Variants in FGF12 observed in about 807,000 individuals in gnomAD.
The protein encoded by FGF12 is fibroblast growth factor 12, also known as fibroblast growth factor 12B.
In FGF12, 14 loss-of-function variants were observed where a neutral mutation model predicts 23.6. The observed-to-expected ratio is 0.59, with a 90% CI of 0.39 to 0.93. The LOEUF (loss-of-function observed/expected upper bound fraction) is 0.93. Ranked by LOEUF, FGF12 falls within the 40% of genes least tolerant of loss-of-function variation. FGF12 has a pLI of 0.00. For synonymous variants in FGF12, 62 were observed against 77.3 expected, an observed-to-expected ratio of 0.80 and a Z score of 1.04; for missense variants, 175 against 217.8, an observed-to-expected ratio of 0.80 and a Z score of 1.24.
In FGF12 at chr3:192,183,424, G is replaced by A. The variant is rs546445041; in HGVS notation, c.229-12768C>T. On this transcript the variant is annotated intron_variant, in intron 4 of 5. Coordinates refer to ENST00000445105, the MANE Select transcript of FGF12 (RefSeq NM_004113.6). Reference sequence around the variant, plus strand: ...CTGATGGCACTGAAAAGCCGGGGCTGTGTTTTTGAAAAAAATCTTTGCTGC... The same window carrying A: ...CTGATGGCACTGAAAAGCCGGGGCTATGTTTTTGAAAAAAATCTTTGCTGC... Among the ~76,000 whole-genome samples the A allele has an allele frequency of 4.6e-5, 7 of 152,240 alleles. No individual in the cohort carries two copies. The South Asian group carries it at 1.2e-3, about 27-fold the overall frequency.
chr3:192,552,106 T>A (rs1208635133), intron 2 of FGF12, among the ~76,000 whole-genome samples: 1 of 151,998 alleles, frequency 6.6e-6, no homozygotes, highest in Non-Finnish European at 1.5e-5. Context: ...CTAATGAGAA[T>A]TCTATAATAA....
chr3:192,510,213 A>G (rs1429740988), intron 2 of FGF12, among the ~76,000 whole-genome samples: 2 of 152,164 alleles, frequency 1.3e-5, no homozygotes, highest in Admixed American at 1.3e-4. Context: ...GGATAATGCC[A>G]TCCAACAATA....
intron 3 of FGF12, among the ~76,000 whole-genome samples, chr3:192,347,089 A>G (rs1718000760): frequency 6.6e-6 from 1 of 152,154 alleles, no homozygotes. Context: ...TCCAGACTAC[A>G]CTCATAATAA....
intron 2 of FGF12, among the ~76,000 whole-genome samples, chr3:192,398,541 G>A (rs901965850): frequency 2.6e-5 from 4 of 151,846 alleles, no homozygotes; most frequent in African/African-American, 4.8e-5. Context: ...GCACCACCAC[G>A]CCCGACTAAT....
intron 2 of FGF12, among the ~76,000 whole-genome samples, chr3:192,692,857 A>G (rs185941749): frequency 4.7e-4 from 71 of 152,308 alleles, no homozygotes; most frequent in Non-Finnish European, 7.9e-4. Context: ...AGTCTACATG[A>G]CAATCAATGG....
intron 4 of FGF12, chr3:192,265,399 G>C (rs906047396): frequency 6.6e-6 from 1 of 152,070 alleles, no homozygotes; most frequent in Non-Finnish European, 1.5e-5. Flanking sequence ...TGTGTGATGC[G>C]ATGGCCTCAT....
At chr3:192,315,598 A>T (rs1716186447) in intron 4 of FGF12, among the ~76,000 whole-genome samples, 2 of 152,194 alleles carry the variant, frequency 1.3e-5, no homozygotes, top group African/African-American at 4.8e-5. Context: ...TAGGGGGAAA[A>T]AATAAGTAGC....
chr3:192,171,363 G>A (rs993484448), intron 4 of FGF12, among the ~76,000 whole-genome samples: 2 of 151,250 alleles, frequency 1.3e-5, no homozygotes, highest in African/African-American at 4.9e-5. Context: ...TTCAACTCCA[G>A]CATTTGGTAA....
At chr3:192,185,896 C>T (rs1716436248) in intron 4 of FGF12, among the ~76,000 whole-genome samples, 1 of 150,926 alleles carries the variant, frequency 6.6e-6, no homozygotes, top group African/African-American at 2.4e-5. Flanking sequence ...ATTAATGGAT[C>T]AGTAGCCTAA....
chr3:192,561,084 G>T (rs1414628084), intron 2 of FGF12, among the ~76,000 whole-genome samples: 1 of 152,060 alleles, frequency 6.6e-6, no homozygotes, highest in African/African-American at 2.4e-5. Flanking sequence ...TATCTGATAT[G>T]CCCAGAACAG....
chr3:192,185,514 T>C (rs1716406352), intron 4 of FGF12, among the ~76,000 whole-genome samples: 1 of 152,088 alleles, frequency 6.6e-6, no homozygotes, highest in Non-Finnish European at 1.5e-5. Context: ...TTAACTCAAC[T>C]GTTTACATTT....
At chr3:192,531,412 T>A (rs1159908527) in intron 2 of FGF12, among the ~76,000 whole-genome samples, 1 of 152,156 alleles carries the variant, frequency 6.6e-6, no homozygotes, top group Non-Finnish European at 1.5e-5. Context: ...TTGAGGTTTG[T>A]TGTGGCAAAA....
At chr3:192,679,491 A>AGGAGGTGGGAGGTC (rs1717442887) in intron 2 of FGF12, among the ~76,000 whole-genome samples, 1 of 152,122 alleles carries the variant, frequency 6.6e-6, no homozygotes, top group Admixed American at 6.6e-5. Flanking sequence ...CCAGCTACTC[A>AGGAGGTGGGAGGTC]GGAGGTGGGA....
At position 192,472,268 on chromosome 3, in the gene FGF12, G is replaced by A. The variant is rs189817831; in HGVS notation, c.14-111730C>T. 3.8e-3 allele frequency among the ~76,000 whole-genome samples: 571 copies of A among 152,042 alleles called. 1 individual carries two copies. The highest frequency in any genetic ancestry group is 0.013 in the African/African-American group (532 of 41,466). On this transcript the variant is annotated intron_variant, in intron 2 of 5. Coordinates refer to ENST00000445105, the MANE Select transcript of FGF12 (RefSeq NM_004113.6). ...CCTGACCTCGGGATCTGCCCGCCGC[G>A]GCCTCCCAAAGTACTGGGATTACAG...
At chr3:192,365,549 C>T (rs1221719686) in intron 2 of FGF12, among the ~76,000 whole-genome samples, 1 of 151,912 alleles carries the variant, frequency 6.6e-6, no homozygotes, top group Non-Finnish European at 1.5e-5. Context: ...GAACTCTGTA[C>T]TATCTTCACA....
At chr3:192,306,213 A>T (rs913495133) in intron 4 of FGF12, among the ~76,000 whole-genome samples, 3 of 152,110 alleles carry the variant, frequency 2.0e-5, no homozygotes, top group Admixed American at 1.3e-4. Context: ...CTGAATGCAC[A>T]TTTTTGTTTA....
chr3:192,611,002 T>C lies in FGF12; in HGVS notation c.13+116179A>G, dbSNP rs190136882. Among the ~76,000 whole-genome samples, 4 of 152,186 alleles carry C rather than the reference T, an allele frequency of 2.6e-5. No homozygotes were observed. The East Asian group carries it at 7.7e-4, about 29-fold the overall frequency. Reference sequence around the variant, plus strand: ...TTACTTTCCTCTTTAGCCCTTATCATGATCTTTATTTTCCCCAATTACATT... The same window carrying C: ...TTACTTTCCTCTTTAGCCCTTATCACGATCTTTATTTTCCCCAATTACATT... On this transcript the variant is annotated intron_variant, in intron 2 of 5. Coordinates refer to ENST00000445105, the MANE Select transcript of FGF12 (RefSeq NM_004113.6).
intron 2 of FGF12, among the ~76,000 whole-genome samples, chr3:192,523,308 T>A (rs547713178): frequency 3.3e-5 from 5 of 152,174 alleles, no homozygotes; most frequent in Non-Finnish European, 7.3e-5. Context: ...CATTATCCTC[T>A]AGGATGAAGG....
At chr3:192,687,021 G>A (rs1484016790) in intron 2 of FGF12, among the ~76,000 whole-genome samples, 2 of 150,864 alleles carry the variant, frequency 1.3e-5, no homozygotes, top group Admixed American at 6.6e-5. Flanking sequence ...AGTAGAGACG[G>A]GGTTTCACCA....
Sources: allele counts gnomAD v4.1 joint callset (sites outside exome capture counted in the v4.1 genomes callset), GRCh38; gene constraint gnomAD v4.1.1; transcripts MANE v1.5; gene names NCBI Gene and HGNC (gene_info 2026-07-23, HGNC 2026-07-21).